Variants in NUDCD3 observed in about 807,000 individuals in gnomAD.
NUDCD3 encodes NudC domain containing 3.
NUDCD3 carries 13 observed loss-of-function variants against 39.7 expected under a neutral mutation model. The observed-to-expected ratio is 0.33, with a 90% CI of 0.21 to 0.52. The LOEUF is 0.52. NUDCD3 is among the 20% of genes least tolerant of loss of function. NUDCD3 has a pLI of 0.96. For missense variants in NUDCD3, 453 were observed against 458.1 expected, an observed-to-expected ratio of 0.99 and a Z score of 0.10; for synonymous variants, 175 against 172.4, an observed-to-expected ratio of 1.02 and a Z score of -0.12.
At chr7:44,486,081 G>C (rs552720595) in intron 1 of NUDCD3, among the ~76,000 whole-genome samples, 1 of 152,312 alleles carries the variant, frequency 6.6e-6, no homozygotes, top group African/African-American at 2.4e-5. Flanking sequence ...ATCCCAGTTA[G>C]ACCCTGAATG....
chr7:44,413,711 A>C (rs1798971390), intron 3 of NUDCD3, among the ~76,000 whole-genome samples: 1 of 152,246 alleles, frequency 6.6e-6, no homozygotes, highest in Admixed American at 6.5e-5. Flanking sequence ...ATGGATATGT[A>C]AGTTAGTATA....
At chr7:44,435,049 T>G (rs6970549) in intron 2 of NUDCD3, among the ~76,000 whole-genome samples, 20,571 of 152,176 alleles carry the variant, frequency 0.14, 1,726 homozygotes, top group Non-Finnish European at 0.19. Flanking sequence ...TCTGAGACAT[T>G]TGGAGAGAGA....
At chr7:44,405,536 G>T (rs1390981440) in intron 3 of NUDCD3, among the ~76,000 whole-genome samples, 1 of 152,130 alleles carries the variant, frequency 6.6e-6, no homozygotes, top group Non-Finnish European at 1.5e-5. Flanking sequence ...AAGACACTGG[G>T]ATCAAGTACT....
chr7:44,390,724 T>A (rs1349950038), intron 5 of NUDCD3, among the ~76,000 whole-genome samples: 2 of 152,112 alleles, frequency 1.3e-5, no homozygotes, highest in African/African-American at 4.8e-5. Flanking sequence ...GGGCAGACCC[T>A]CACATACACC....
At chr7:44,403,402 G>A (rs947831695) in intron 4 of NUDCD3, among the ~76,000 whole-genome samples, 7 of 152,248 alleles carry the variant, frequency 4.6e-5, no homozygotes, top group African/African-American at 1.7e-4. Flanking sequence ...CAGCACCAAG[G>A]AGCATGTTGT....
chr7:44,429,373 G>A (rs1053297832), intron 2 of NUDCD3, among the ~76,000 whole-genome samples: 2 of 152,178 alleles, frequency 1.3e-5, no homozygotes, highest in African/African-American at 4.8e-5. Context: ...TTGGAGAGAT[G>A]ACGTGAAGGC....
intron 2 of NUDCD3, among the ~76,000 whole-genome samples, chr7:44,449,274 A>G (rs1422017941): frequency 6.6e-6 from 1 of 152,236 alleles, no homozygotes; most frequent in Non-Finnish European, 1.5e-5. Context: ...AGCCAAACAC[A>G]TGTGTTTCAA....
At chr7:44,476,022 A>G (rs571604055) in intron 2 of NUDCD3, among the ~76,000 whole-genome samples, 8 of 152,266 alleles carry the variant, frequency 5.3e-5, no homozygotes, top group Admixed American at 5.2e-4. Flanking sequence ...GTCTCATTCA[A>G]TCCTCACCAC....
At chr7:44,432,833 C>T (rs1799390297) in intron 2 of NUDCD3, among the ~76,000 whole-genome samples, 1 of 152,226 alleles carries the variant, frequency 6.6e-6, no homozygotes, top group Non-Finnish European at 1.5e-5. Flanking sequence ...TCACACCTCA[C>T]CACCTGTTGA....
At chr7:44,411,933 T>C (rs1316929855) in intron 3 of NUDCD3, among the ~76,000 whole-genome samples, 1 of 152,204 alleles carries the variant, frequency 6.6e-6, no homozygotes, top group Non-Finnish European at 1.5e-5. Flanking sequence ...TCTAGCCTCA[T>C]TCCACAGGAC....
At chr7:44,391,411 C>T (rs1798512698) in intron 5 of NUDCD3, among the ~76,000 whole-genome samples, 1 of 152,186 alleles carries the variant, frequency 6.6e-6, no homozygotes, top group South Asian at 2.1e-4. Flanking sequence ...TGTATTAATA[C>T]GTGCTGTACC....
rs2116847243 is a variant in NUDCD3, at chr7:44,380,735, C to A, written c.*5276G>T. The A allele has an allele frequency of 6.6e-6, 1 of 152,264 alleles. No homozygotes were observed. Among genetic ancestry groups the A allele is most frequent in the East Asian group, 1.9e-4 (1 of 5,196 alleles). The allele number at this position is 152,264 out of a possible 1,614,324, so 9.4% of individuals were successfully genotyped here. ...CTGGGGTCACAAGATGGCCTTGATC[C>A]CCAGTTATCTGGATCCCCAGTTCCC... is the stretch of plus-strand genomic sequence containing the variant. On this transcript the variant is annotated 3_prime_UTR_variant, in exon 6 of 6. Coordinates refer to ENST00000355451, the MANE Select transcript of NUDCD3 (RefSeq NM_015332.4).
intron 2 of NUDCD3, among the ~76,000 whole-genome samples, chr7:44,476,422 C>T (rs990254607): frequency 3.3e-5 from 5 of 152,092 alleles, no homozygotes; most frequent in African/African-American, 1.2e-4. Flanking sequence ...GCAGATCCCT[C>T]GTGAATATGA....
Position 44,459,276 on chromosome 7 carries a change from G to A in NUDCD3, c.509+25692C>T, listed in dbSNP as rs368328570. On this transcript the variant is annotated intron_variant, in intron 2 of 5. Coordinates refer to ENST00000355451, the MANE Select transcript of NUDCD3 (RefSeq NM_015332.4). ...TGCAGTGGCACGATCATGGCCCACT[G>A]TAGCCTTGACCTACAGGGCTCAAGC... Among the ~76,000 whole-genome samples, 30 of 150,224 alleles carry A rather than the reference G, an allele frequency of 2.0e-4. 1 individual carries two copies. The highest frequency in any genetic ancestry group is 1.3e-3 in the Admixed American group (19 of 14,990).
chr7:44,436,583 G>C (rs1309466145), intron 2 of NUDCD3, among the ~76,000 whole-genome samples: 1 of 152,126 alleles, frequency 6.6e-6, no homozygotes, highest in Non-Finnish European at 1.5e-5. Flanking sequence ...TCCATGCTTT[G>C]TACTGTCAGA....
At chr7:44,413,168 A>C (rs1798962416) in intron 3 of NUDCD3, 1 of 151,904 alleles carries the variant, frequency 6.6e-6, no homozygotes, top group South Asian at 2.1e-4. Flanking sequence ...TAGTAAGGTG[A>C]GGCTGGGCAT....
chr7:44,391,401 T>C (rs1191800447), intron 5 of NUDCD3, among the ~76,000 whole-genome samples: 1 of 152,188 alleles, frequency 6.6e-6, no homozygotes, highest in Non-Finnish European at 1.5e-5. Context: ...CCACCTACGA[T>C]GTATTAATAC....
intron 2 of NUDCD3, among the ~76,000 whole-genome samples, chr7:44,445,917 A>G (rs551829894): frequency 6.6e-6 from 1 of 152,366 alleles, no homozygotes; most frequent in South Asian, 2.1e-4. Flanking sequence ...ATCCCTGCCC[A>G]GCCACTAGTT....
rs1798296560 is a variant in NUDCD3 at position 44,380,987 on chromosome 7, G to T, written c.*5024C>A. 1 of 152,370 alleles carries T rather than the reference G, an allele frequency of 6.6e-6. No homozygotes were observed. The highest frequency in any genetic ancestry group is 2.1e-4 in the South Asian group (1 of 4,838). 9.4% of individuals were successfully genotyped at this position (152,370 alleles called of 1,614,324 possible). A position where few individuals can be genotyped will look rare whatever the true frequency, so the allele number is the denominator to read the frequency against. On this transcript the variant is annotated 3_prime_UTR_variant, in exon 6 of 6. Transcript: ENST00000355451. ...GCTCCGCTGGCAGGCAGACAAGGCA[G>T]GCAGGGCCCCAGCCCAATGCCTGAG... is the stretch of plus-strand genomic sequence containing the variant.
Sources: allele counts gnomAD v4.1 joint callset (sites outside exome capture counted in the v4.1 genomes callset), GRCh38; gene constraint gnomAD v4.1.1; transcripts MANE v1.5; gene names NCBI Gene and HGNC (gene_info 2026-07-23, HGNC 2026-07-21).